CEP112: variants seen among roughly 807,000 people sequenced by gnomAD.
CEP112 encodes centrosomal protein 112.
A neutral mutation model predicts 153.0 loss-of-function variants in CEP112; 127 were observed. That is an observed-to-expected ratio of 0.83 (90% CI 0.72 to 0.96). CEP112 has a LOEUF of 0.96. Among genes scored for constraint, CEP112 ranks in the 40% least tolerant of loss-of-function variants. The pLI is 0.00. For missense variants in CEP112, 1,089 were observed against 1,101.2 expected, an observed-to-expected ratio of 0.99 and a Z score of 0.16; for synonymous variants, 358 against 374.4, an observed-to-expected ratio of 0.96 and a Z score of 0.51.
chr17:65,900,168 T>A (rs909115667), intron 20 of CEP112, among the ~76,000 whole-genome samples: 2 of 152,160 alleles, frequency 1.3e-5, no homozygotes, highest in Non-Finnish European at 2.9e-5. Context: ...GCTAAAACTT[T>A]AAAAAATTGT....
chr17:65,787,166 T>C (rs1035303284), intron 21 of CEP112, among the ~76,000 whole-genome samples: 5 of 152,178 alleles, frequency 3.3e-5, no homozygotes, highest in Non-Finnish European at 7.3e-5. Flanking sequence ...CTTTTTCTTT[T>C]TCAGAATAAT....
chr17:66,061,107 T>G (rs2066905777), intron 11 of CEP112, among the ~76,000 whole-genome samples: 1 of 151,994 alleles, frequency 6.6e-6, no homozygotes, highest in Non-Finnish European at 1.5e-5. Flanking sequence ...ACCTAATGAC[T>G]TATTTAGGCC....
intron 8 of CEP112, among the ~76,000 whole-genome samples, chr17:66,070,308 T>A (rs978512717): frequency 1.5e-4 from 23 of 152,192 alleles, no homozygotes; most frequent in African/African-American, 4.8e-4. Flanking sequence ...TTTAAAGTGA[T>A]ATTTTGCTTT....
chr17:65,940,733 G>A (rs376655687), intron 18 of CEP112, among the ~76,000 whole-genome samples: 10 of 152,272 alleles, frequency 6.6e-5, no homozygotes, highest in African/African-American at 1.9e-4. Flanking sequence ...AAGGCTGGGC[G>A]AGAGTAGGAA....
At chr17:66,001,195 A>G (rs1194063647) in intron 17 of CEP112, among the ~76,000 whole-genome samples, 2 of 152,210 alleles carry the variant, frequency 1.3e-5, no homozygotes, top group Admixed American at 1.3e-4. Context: ...CAGCGGTGGC[A>G]GCAAACCAGT....
At chr17:65,683,874 T>G (rs1312089189) in intron 24 of CEP112, among the ~76,000 whole-genome samples, 1 of 152,044 alleles carries the variant, frequency 6.6e-6, no homozygotes, top group East Asian at 1.9e-4. Flanking sequence ...AAACCCCGTC[T>G]CTACTAAAAT....
At chr17:65,810,479 C>A (rs2055884595) in intron 21 of CEP112, among the ~76,000 whole-genome samples, 1 of 152,056 alleles carries the variant, frequency 6.6e-6, no homozygotes, top group African/African-American at 2.4e-5. Context: ...ATAATGGAAT[C>A]TTTCTATCAA....
chr17:65,781,398 TC>T (rs2053987981), intron 21 of CEP112, among the ~76,000 whole-genome samples: 1 of 152,118 alleles, frequency 6.6e-6, no homozygotes, highest in Admixed American at 6.5e-5. Context: ...AGAATCAATA[TC>T]ATTAACATGG....
chr17:65,744,398 C>G lies in CEP112; in HGVS notation c.2458-1181G>C, dbSNP rs564976619. On this transcript the variant is annotated intron_variant, in intron 22 of 26. Coordinates refer to ENST00000535342, the MANE Select transcript of CEP112 (RefSeq NM_001199165.4). ...CCTCCTGAGTAGCTGGGACTACAGG[C>G]CACCAGGCCTGGCTAATTTTTGTAT... Among the ~76,000 whole-genome samples the G allele has an allele frequency of 1.1e-4, 16 of 152,180 alleles. No homozygotes were observed. The South Asian group carries it at 3.3e-3, about 32-fold the overall frequency.
chr17:66,166,843 G>T (rs2071981992), intron 4 of CEP112, among the ~76,000 whole-genome samples: 1 of 149,940 alleles, frequency 6.7e-6, no homozygotes, highest in South Asian at 2.1e-4. Context: ...GGCAGAGGTT[G>T]CAGTGAGCCG....
chr17:65,673,156 T>C (rs2047065786), intron 24 of CEP112, among the ~76,000 whole-genome samples: 1 of 152,170 alleles, frequency 6.6e-6, no homozygotes, highest in Admixed American at 6.5e-5. Flanking sequence ...TTTGGGTTGT[T>C]GGCAGAATTC....
intron 20 of CEP112, among the ~76,000 whole-genome samples, chr17:65,857,088 A>C (rs940682642): frequency 1.3e-5 from 2 of 152,220 alleles, no homozygotes; most frequent in Non-Finnish European, 2.9e-5. Flanking sequence ...GTGCATATAA[A>C]AGTTATAGAC....
chr17:66,096,876 CT>C (rs1184418468), intron 6 of CEP112, among the ~76,000 whole-genome samples: 2 of 152,116 alleles, frequency 1.3e-5, no homozygotes, highest in Non-Finnish European at 2.9e-5. Flanking sequence ...TAACTGCCCA[CT>C]CTCATCTTCC....
chr17:66,190,610 C>G (rs940290694), intron 1 of CEP112, among the ~76,000 whole-genome samples: 3 of 152,138 alleles, frequency 2.0e-5, no homozygotes, highest in Non-Finnish European at 2.9e-5. Context: ...GCAAGACTGT[C>G]TCAAAAAAAT....
At chr17:65,969,208 A>G (rs2062535485) in intron 17 of CEP112, among the ~76,000 whole-genome samples, 1 of 151,614 alleles carries the variant, frequency 6.6e-6, no homozygotes, top group African/African-American at 2.4e-5. Context: ...CAGCCTCCCA[A>G]GTAGCTGGGA....
intron 17 of CEP112, among the ~76,000 whole-genome samples, chr17:65,974,924 G>A (rs561802936): frequency 1.2e-4 from 18 of 149,326 alleles, no homozygotes; most frequent in African/African-American, 2.7e-4. Flanking sequence ...CAGGTCTGGC[G>A]TTTGGAATCA....
chr17:65,721,734 T>C (rs1421688637), intron 23 of CEP112, among the ~76,000 whole-genome samples: 1 of 152,206 alleles, frequency 6.6e-6, no homozygotes, highest in African/African-American at 2.4e-5. Context: ...AGTTCCTTCC[T>C]TTGGAACGCT....
chr17:65,987,286 A>G (rs1474823153), intron 17 of CEP112, among the ~76,000 whole-genome samples: 1 of 152,152 alleles, frequency 6.6e-6, no homozygotes, highest in Non-Finnish European at 1.5e-5. Context: ...TGCAGAGCAC[A>G]ATAAAAATTC....
intron 21 of CEP112, among the ~76,000 whole-genome samples, chr17:65,789,773 A>G (rs778220917): frequency 1.1e-4 from 17 of 152,160 alleles, no homozygotes; most frequent in Non-Finnish European, 1.9e-4. Context: ...ATACACAATT[A>G]TTTTATTGCT....
Sources: allele counts gnomAD v4.1 joint callset (sites outside exome capture counted in the v4.1 genomes callset), GRCh38; gene constraint gnomAD v4.1.1; transcripts MANE v1.5; gene names NCBI Gene and HGNC (gene_info 2026-07-23, HGNC 2026-07-21).